Variants in CDYL2 observed in about 807,000 individuals in gnomAD.
CDYL2 encodes the protein chromodomain Y-like protein 2.
In CDYL2, 23 loss-of-function variants were observed where a neutral mutation model predicts 49.4. The observed-to-expected ratio is 0.47, with a 90% CI of 0.34 to 0.66. The LOEUF (loss-of-function observed/expected upper bound fraction) is 0.66, where lower values mean the gene tolerates loss of function less well. Ranked by LOEUF, CDYL2 falls within the 30% of genes least tolerant of loss-of-function variation. CDYL2 has a pLI of 0.01. For synonymous variants in CDYL2, 360 were observed against 268.8 expected, an observed-to-expected ratio of 1.34 and a Z score of -3.32; for missense variants, 678 against 656.4, an observed-to-expected ratio of 1.03 and a Z score of -0.36.
At chr16:80,622,992 A>G (rs1907149315) in intron 3 of CDYL2, among the ~76,000 whole-genome samples, 1 of 152,208 alleles carries the variant, frequency 6.6e-6, no homozygotes, top group Admixed American at 6.5e-5. Context: ...TCAGAGAGAA[A>G]GGTGACTTTC....
At chr16:80,655,534 C>G (rs1460105454) in intron 2 of CDYL2, among the ~76,000 whole-genome samples, 1 of 152,174 alleles carries the variant, frequency 6.6e-6, no homozygotes, top group Non-Finnish European at 1.5e-5. Context: ...ACCCAAATCT[C>G]ATGGTCTTTC....
At chr16:80,654,368 G>A (rs1403909815) in intron 2 of CDYL2, among the ~76,000 whole-genome samples, 5 of 152,244 alleles carry the variant, frequency 3.3e-5, no homozygotes, top group Admixed American at 2.6e-4. Context: ...AACATTTAAA[G>A]AAGCAGCACA....
chr16:80,786,462 CAA>C (rs1907438904), intron 1 of CDYL2, among the ~76,000 whole-genome samples: 1 of 152,172 alleles, frequency 6.6e-6, no homozygotes, highest in South Asian at 2.1e-4. Context: ...AGTCAGGAAA[CAA>C]GAGATGCTGG....
chr16:80,771,001 C>T (rs1906886933), intron 1 of CDYL2, among the ~76,000 whole-genome samples: 1 of 152,146 alleles, frequency 6.6e-6, no homozygotes, highest in Admixed American at 6.5e-5. Flanking sequence ...CACTGGGACC[C>T]CAAAAGGCTG....
intron 1 of CDYL2, among the ~76,000 whole-genome samples, chr16:80,713,732 G>A (rs1904700314): frequency 6.6e-6 from 1 of 152,094 alleles, no homozygotes; most frequent in Admixed American, 6.5e-5. Context: ...CGTGGCCATA[G>A]GGAAGTGACC....
intron 6 of CDYL2, among the ~76,000 whole-genome samples, chr16:80,606,231 C>T (rs573883704): frequency 9.2e-5 from 14 of 152,350 alleles, no homozygotes; most frequent in African/African-American, 3.1e-4. Flanking sequence ...CGAAGAGCAC[C>T]GTCTCCCAGA....
rs1910145215 is a variant in CDYL2, at chr16:80,685,264, A to G, written c.25-135T>C. On this transcript the variant is annotated intron_variant, in intron 1 of 6. Coordinates refer to ENST00000570137, the MANE Select transcript of CDYL2 (RefSeq NM_152342.4). ...CCAGGGGGTGAGCCACGAGCCATTC[A>G]ATGCCAGAAGCCAACACTGGCAGGA... 1.5e-5 allele frequency: 10 copies of G among 669,060 alleles called. No individual in the cohort carries two copies. In the South Asian group the frequency reaches 1.7e-4, roughly 12 times the overall value. The allele number at this position is 669,060 out of a possible 1,614,324, so 41.4% of individuals were successfully genotyped here. A position where few individuals can be genotyped will look rare whatever the true frequency, so the allele number is the denominator to read the frequency against.
Position 80,793,337 on chromosome 16 carries a change from T to G in CDYL2, c.24+10813A>C, listed in dbSNP as rs58599579. Among the ~76,000 whole-genome samples, 374 of 152,294 alleles carry G rather than the reference T, an allele frequency of 2.5e-3. 1 individual carries two copies. Among genetic ancestry groups the G allele is most frequent in the African/African-American group, 8.6e-3 (356 of 41,558 alleles). On this transcript the variant is annotated intron_variant, in intron 1 of 6. Transcript: ENST00000570137. ...AGTCCTAACCTGTGATGAGGGACAA[T>G]GGCTTAAATGTTTCAATTTGCTTTA...
At chr16:80,738,365 T>A (rs917910512) in intron 1 of CDYL2, among the ~76,000 whole-genome samples, 1 of 152,138 alleles carries the variant, frequency 6.6e-6, no homozygotes, top group African/African-American at 2.4e-5. Context: ...GATTTATAAT[T>A]CCTTGGGTAT....
intron 1 of CDYL2, among the ~76,000 whole-genome samples, chr16:80,752,037 T>C (rs1597115652): frequency 6.6e-6 from 1 of 151,904 alleles, no homozygotes; most frequent in Non-Finnish European, 1.5e-5. Flanking sequence ...AAGATATAAA[T>C]ACTAGAATTG....
At chr16:80,639,835 T>C (rs1032372067) in intron 2 of CDYL2, 21 of 419,584 alleles carry the variant, frequency 5.0e-5, no homozygotes, top group African/African-American at 1.4e-4. Flanking sequence ...TTGTGAGGCA[T>C]TGAACTCACT....
At chr16:80,703,729 G>T (rs1179962978) in intron 1 of CDYL2, among the ~76,000 whole-genome samples, 1 of 152,130 alleles carries the variant, frequency 6.6e-6, no homozygotes, top group Non-Finnish European at 1.5e-5. Flanking sequence ...GGCTATTCCT[G>T]GGTACAGGCT....
At chr16:80,613,610 C>G (rs535382596) in intron 4 of CDYL2, among the ~76,000 whole-genome samples, 1 of 152,282 alleles carries the variant, frequency 6.6e-6, no homozygotes, top group South Asian at 2.1e-4. Context: ...CTCTCCCTGC[C>G]CTTCTGCACT....
intron 1 of CDYL2, among the ~76,000 whole-genome samples, chr16:80,743,183 G>A (rs1160844420): frequency 6.6e-6 from 1 of 152,094 alleles, no homozygotes; most frequent in Non-Finnish European, 1.5e-5. Flanking sequence ...CAAACCTCCA[G>A]GTTCCATGTT....
At chr16:80,668,849 A>G (rs1326963038) in intron 2 of CDYL2, among the ~76,000 whole-genome samples, 1 of 152,076 alleles carries the variant, frequency 6.6e-6, no homozygotes, top group Non-Finnish European at 1.5e-5. Flanking sequence ...CAGTGAGCCG[A>G]GATCACCCCA....
At position 80,655,587 on chromosome 16, in the gene CDYL2, C is replaced by A. The variant is rs1908771536; in HGVS notation, c.617-22351G>T. ...GGAGAAGCACCCGAAGAGACGAGGG[C>A]CCTGAGGCCATCTTACCAAATAAGC... On this transcript the variant is annotated intron_variant, in intron 2 of 6. Transcript: ENST00000570137. Among the ~76,000 whole-genome samples, 5 of 152,260 alleles carry A rather than the reference C, an allele frequency of 3.3e-5. No individual in the cohort carries two copies. The South Asian group carries it at 1.0e-3, about 32-fold the overall frequency.
At chr16:80,687,503 T>C (rs775858296) in intron 1 of CDYL2, among the ~76,000 whole-genome samples, 1 of 151,834 alleles carries the variant, frequency 6.6e-6, no homozygotes, top group African/African-American at 2.4e-5. Context: ...GATAGATGGA[T>C]GGTAGGATGT....
chr16:80,802,566 A>G (rs998426101), intron 1 of CDYL2, among the ~76,000 whole-genome samples: 1 of 152,168 alleles, frequency 6.6e-6, no homozygotes, highest in Non-Finnish European at 1.5e-5. Context: ...CTTGTCTCTT[A>G]GCATAGAGAT....
intron 1 of CDYL2, among the ~76,000 whole-genome samples, chr16:80,729,666 C>A (rs1490268640): frequency 6.6e-6 from 1 of 152,108 alleles, no homozygotes; most frequent in Admixed American, 6.6e-5. Flanking sequence ...CAGCACCACA[C>A]CACACCTATT....
Sources: allele counts gnomAD v4.1 joint callset (sites outside exome capture counted in the v4.1 genomes callset), GRCh38; gene constraint gnomAD v4.1.1; transcripts MANE v1.5; gene names NCBI Gene and HGNC (gene_info 2026-07-23, HGNC 2026-07-21).